BICC1: variants seen among roughly 807,000 people sequenced by gnomAD.
The protein encoded by BICC1 is protein bicaudal C homolog 1.
Under a neutral mutation model 111.0 loss-of-function variants are expected in BICC1, and 43 were observed. The ratio of observed to expected loss-of-function variants is 0.39; its 90% CI spans 0.30 to 0.50. BICC1 has a LOEUF of 0.50. Among genes scored for constraint, BICC1 ranks in the 20% least tolerant of loss-of-function variants. The pLI, the probability that BICC1 is intolerant of heterozygous loss-of-function variation, is 0.88. For synonymous variants in BICC1, 467 were observed against 434.4 expected (o/e 1.07, Z -0.93); for missense variants, 1,091 against 1,203.2 (o/e 0.91, Z 1.38).
intron 1 of BICC1, among the ~76,000 whole-genome samples, chr10:58,520,612 C>T (rs1842363066): frequency 6.6e-6 from 1 of 152,032 alleles, no homozygotes; most frequent in Non-Finnish European, 1.5e-5. Flanking sequence ...AATGATAAAC[C>T]ACATATTAGT....
At chr10:58,526,486 C>T (rs1842545805) in intron 1 of BICC1, among the ~76,000 whole-genome samples, 1 of 151,828 alleles carries the variant, frequency 6.6e-6, no homozygotes, top group Non-Finnish European at 1.5e-5. Flanking sequence ...GTGTGCTGCA[C>T]CCATTAACTC....
chr10:58,770,098 A>G (rs965996646), intron 3 of BICC1, among the ~76,000 whole-genome samples: 1 of 152,132 alleles, frequency 6.6e-6, no homozygotes, highest in Non-Finnish European at 1.5e-5. Flanking sequence ...ATATAAGTTC[A>G]TTTAATTTAT....
chr10:58,770,247 T>A (rs1320873757), intron 3 of BICC1, among the ~76,000 whole-genome samples: 1 of 152,150 alleles, frequency 6.6e-6, no homozygotes, highest in Non-Finnish European at 1.5e-5. Flanking sequence ...TTTCAGGTTT[T>A]AGAATTTCTA....
intron 1 of BICC1, among the ~76,000 whole-genome samples, chr10:58,616,157 G>C (rs1252698767): frequency 6.6e-6 from 1 of 152,144 alleles, no homozygotes; most frequent in Admixed American, 6.5e-5. Context: ...TGCAGGCCTG[G>C]GGCTGTCGTC....
In BICC1 at chr10:58,701,957, C is replaced by T. The variant is rs558690084; in HGVS notation, c.238-117C>T. The T allele has an allele frequency of 1.2e-5, 8 of 654,180 alleles. No individual in the cohort carries two copies. The South Asian group carries it at 1.8e-4, about 15-fold the overall frequency. The allele number at this position is 654,180 out of a possible 1,614,324, so 40.5% of individuals were successfully genotyped here. On this transcript the variant is annotated intron_variant, in intron 2 of 20. Coordinates refer to ENST00000373886, the MANE Select transcript of BICC1 (RefSeq NM_001080512.3). Reference sequence around the variant, plus strand: ...TCTTTGCATTGTTTTCAAATGAGATCATTTTGTATGAACATGAACTTAGGA... The same window carrying T: ...TCTTTGCATTGTTTTCAAATGAGATTATTTTGTATGAACATGAACTTAGGA...
chr10:58,807,949 A>C (rs930057401), intron 17 of BICC1, among the ~76,000 whole-genome samples: 2 of 152,190 alleles, frequency 1.3e-5, no homozygotes, highest in African/African-American at 4.8e-5. Context: ...AGGCCAAAAA[A>C]CAAACACTGG....
intron 1 of BICC1, among the ~76,000 whole-genome samples, chr10:58,609,557 G>A (rs1181889420): frequency 6.6e-6 from 1 of 152,162 alleles, no homozygotes; most frequent in Non-Finnish European, 1.5e-5. Flanking sequence ...ATATTTCTTT[G>A]TTTAACCCAA....
At chr10:58,745,509 C>A (rs751656555) in intron 3 of BICC1, among the ~76,000 whole-genome samples, 2 of 151,664 alleles carry the variant, frequency 1.3e-5, no homozygotes, top group African/African-American at 4.8e-5. Context: ...AGTCATATCA[C>A]TGGGCTAAAG....
chr10:58,796,619 C>T (rs1843362863), intron 10 of BICC1, 93 bp downstream of exon 10: 1 of 1,257,992 alleles, frequency 7.9e-7, no homozygotes, highest in Non-Finnish European at 1.1e-6. Flanking sequence ...CATTTAAAGG[C>T]TATTTTTTTT....
intron 2 of BICC1, among the ~76,000 whole-genome samples, chr10:58,636,593 CCTCCTCCTT>C (rs1588955937): frequency 2.0e-5 from 3 of 152,008 alleles, no homozygotes; most frequent in Admixed American, 6.5e-5. Flanking sequence ...TCCTCCTCCT[CCTCCTCCTT>C]CTCCCTTTTT....
chr10:58,674,642 A>G (rs571588858), intron 2 of BICC1, among the ~76,000 whole-genome samples: 1 of 152,232 alleles, frequency 6.6e-6, no homozygotes, highest in Non-Finnish European at 1.5e-5. Flanking sequence ...GTAATACATC[A>G]TAACTATCAT....
intron 1 of BICC1, among the ~76,000 whole-genome samples, chr10:58,535,638 A>G (rs1842805982): frequency 6.6e-6 from 1 of 151,770 alleles, no homozygotes; most frequent in African/African-American, 2.4e-5. Flanking sequence ...CTGAAAACAT[A>G]AAATTCACAC....
intron 3 of BICC1, among the ~76,000 whole-genome samples, chr10:58,749,479 C>G (rs1487773093): frequency 1.3e-5 from 2 of 152,048 alleles, no homozygotes; most frequent in East Asian, 1.9e-4. Flanking sequence ...TAAGCAGAAA[C>G]AAGACAAACA....
chr10:58,688,477 C>G (rs571018691), intron 2 of BICC1, among the ~76,000 whole-genome samples: 3 of 152,106 alleles, frequency 2.0e-5, no homozygotes, highest in African/African-American at 7.2e-5. Flanking sequence ...CAAGTCCCCC[C>G]CTGACCCAGA....
chr10:58,726,012 T>A (rs966830061), intron 3 of BICC1, among the ~76,000 whole-genome samples: 21 of 152,344 alleles, frequency 1.4e-4, no homozygotes, highest in Non-Finnish European at 2.4e-4. Flanking sequence ...TTATAAAATT[T>A]AGCTAGCTGT....
chr10:58,632,518 T>TC (rs1252362644), intron 2 of BICC1, among the ~76,000 whole-genome samples: 11 of 151,586 alleles, frequency 7.3e-5, no homozygotes, highest in South Asian at 4.2e-4. Flanking sequence ...TTTTTTTTTT[T>TC]CCCCTATTCT....
chr10:58,537,662 A>G (rs1292651451), intron 1 of BICC1, among the ~76,000 whole-genome samples: 2 of 151,768 alleles, frequency 1.3e-5, no homozygotes, highest in Non-Finnish European at 3.0e-5. Flanking sequence ...AATAAAGGGC[A>G]TCCAAACTGG....
intron 2 of BICC1, 121 bp downstream of exon 2, chr10:58,621,022 G>T (rs1845787548): frequency 4.0e-6 from 3 of 751,508 alleles, no homozygotes; most frequent in South Asian, 2.1e-5. Flanking sequence ...TTCTATACGG[G>T]AGCTGGAAAC....
chr10:58,761,094 G>A (rs889850587), intron 3 of BICC1, among the ~76,000 whole-genome samples: 1 of 152,068 alleles, frequency 6.6e-6, no homozygotes, highest in African/African-American at 2.4e-5. Flanking sequence ...CTGGACTCAA[G>A]TGATCTGCCT....
Sources: gnomAD v4.1 joint callset for allele counts (sites outside exome capture counted in the v4.1 genomes callset) on GRCh38, gnomAD v4.1.1 for gene constraint, MANE v1.5 for transcripts, NCBI Gene and HGNC (gene_info 2026-07-23, HGNC 2026-07-21) for gene names.